The following GABRB3 variants were observed in gnomAD, a reference collection of about 807,000 sequenced individuals.
GABRB3 encodes the protein gamma-aminobutyric acid type A receptor subunit beta3, also known as gamma-aminobutyric acid receptor subunit beta-3.
GABRB3 carries 14 observed loss-of-function variants against 52.1 expected under a neutral mutation model. The observed-to-expected ratio is 0.27, with a 90% CI of 0.18 to 0.42. The LOEUF (loss-of-function observed/expected upper bound fraction) is 0.42, where lower values mean the gene tolerates loss of function less well. Ranked by LOEUF, GABRB3 falls within the 10% of genes least tolerant of loss-of-function variation. The pLI, the probability that GABRB3 is intolerant of heterozygous loss-of-function variation, is 1.00. For synonymous variants in GABRB3, 260 were observed against 232.3 expected (o/e 1.12, Z -1.08); for missense variants, 307 against 609.1 (o/e 0.50, Z 5.22).
At chr15:26,576,362 A>T (rs1038862095) in intron 6 of GABRB3, among the ~76,000 whole-genome samples, 5 of 152,206 alleles carry the variant, frequency 3.3e-5, no homozygotes, top group African/African-American at 1.2e-4. Flanking sequence ...CTGAAATGAA[A>T]TTTTAAAAAA....
At chr15:26,674,400 C>T (rs1184262015) in intron 3 of GABRB3, among the ~76,000 whole-genome samples, 2 of 86,786 alleles carry the variant, frequency 2.3e-5, no homozygotes, top group Non-Finnish European at 4.2e-5. Context: ...GACTCAGTTT[C>T]AAAAAAAAAA....
intron 3 of GABRB3, among the ~76,000 whole-genome samples, chr15:26,662,128 A>G (rs1342129855): frequency 6.6e-6 from 1 of 152,222 alleles, no homozygotes; most frequent in African/African-American, 2.4e-5. Flanking sequence ...TGTGCAGTGC[A>G]TACAAAGGAA....
intron 3 of GABRB3, among the ~76,000 whole-genome samples, chr15:26,720,552 G>A (rs1340938270): frequency 6.6e-6 from 1 of 152,118 alleles, no homozygotes; most frequent in East Asian, 1.9e-4. Context: ...TTTAAAAATT[G>A]GCAACTGTAC....
chr15:26,770,163 A>T (rs1369710919), intron 3 of GABRB3, among the ~76,000 whole-genome samples: 1 of 152,220 alleles, frequency 6.6e-6, no homozygotes, highest in African/African-American at 2.4e-5. Context: ...TTTCTAAAAC[A>T]TGACGTGACC....
intron 2 of GABRB3, 63 bp from the exon 3 acceptor site, chr15:26,772,532 G>A: frequency 1.9e-6 from 3 of 1,549,294 alleles, no homozygotes; most frequent in Non-Finnish European, 2.6e-6. Flanking sequence ...GCGGCTCTGA[G>A]GACTGGGGGC....
chr15:26,609,669 A>T (rs564260236), intron 4 of GABRB3, among the ~76,000 whole-genome samples: 1 of 152,144 alleles, frequency 6.6e-6, no homozygotes, highest in African/African-American at 2.4e-5. Context: ...TTTTTAAAAA[A>T]TCTGTTAGGC....
At chr15:26,683,338 C>T (rs1888296113) in intron 3 of GABRB3, among the ~76,000 whole-genome samples, 1 of 145,250 alleles carries the variant, frequency 6.9e-6, no homozygotes, top group Non-Finnish European at 1.5e-5. Context: ...CCAGACTAGG[C>T]ACCCACCTGG....
intron 3 of GABRB3, among the ~76,000 whole-genome samples, chr15:26,651,607 G>T (rs375176880): frequency 2.6e-5 from 4 of 152,162 alleles, no homozygotes; most frequent in African/African-American, 7.2e-5. Flanking sequence ...CTTATACATG[G>T]TCACTGCTTT....
intron 8 of GABRB3, among the ~76,000 whole-genome samples, chr15:26,554,202 TATATATAG>T (rs1189077378): frequency 1.4e-4 from 13 of 93,460 alleles, no homozygotes; most frequent in Non-Finnish European, 2.8e-4. Flanking sequence ...TATATATATA[TATATATAG>T]TAGAAACAAG....
At chr15:26,735,785 C>CA (rs1453257505) in intron 3 of GABRB3, among the ~76,000 whole-genome samples, 1 of 146,304 alleles carries the variant, frequency 6.8e-6, no homozygotes, top group South Asian at 2.2e-4. Flanking sequence ...CCCATTTCCA[C>CA]AAAAAAGTAA....
chr15:26,681,761 A>G (rs1481450648), intron 3 of GABRB3, among the ~76,000 whole-genome samples: 1 of 152,116 alleles, frequency 6.6e-6, no homozygotes, highest in Non-Finnish European at 1.5e-5. Flanking sequence ...CAGGAGTTTG[A>G]GACTAGCCTG....
chr15:26,699,766 C>T (rs569081309), intron 3 of GABRB3, among the ~76,000 whole-genome samples: 1 of 150,446 alleles, frequency 6.6e-6, no homozygotes, highest in Non-Finnish European at 1.5e-5. Flanking sequence ...AGAGAGCAAA[C>T]AAAAGAAAAA....
At chr15:26,732,284 GGATGGATA>G (rs1426791266) in intron 3 of GABRB3, among the ~76,000 whole-genome samples, 1 of 147,250 alleles carries the variant, frequency 6.8e-6, no homozygotes, top group Non-Finnish European at 1.5e-5. Context: ...ATGAATAGAT[GGATGGATA>G]GATGGATGGA....
intron 6 of GABRB3, among the ~76,000 whole-genome samples, chr15:26,578,675 AG>A (rs1275079267): frequency 1.3e-5 from 2 of 152,234 alleles, no homozygotes; most frequent in Non-Finnish European, 2.9e-5. Flanking sequence ...AAATCCTCAT[AG>A]CAGCACGCTC....
intron 3 of GABRB3, chr15:26,628,905 G>A (rs1261178675): frequency 5.6e-6 from 8 of 1,417,036 alleles, no homozygotes; most frequent in Admixed American, 2.0e-5. Context: ...GAGCTGGGAG[G>A]TGTGGGGGAG....
chr15:26,554,176 G>GTATATATATATAAAATA lies in GABRB3; in HGVS notation c.1081-6043_1081-6042insTATTTTATATATATATA, dbSNP rs1889645586. 2.9e-4 allele frequency among the ~76,000 whole-genome samples: 8 copies of GTATATATATATAAAATA among 27,342 alleles called. No individual in the cohort carries two copies. In the South Asian group the frequency reaches 8.3e-3, roughly 28 times the overall value. 17.9% of individuals were successfully genotyped at this position (27,342 alleles called of 152,430 possible). A position where few individuals can be genotyped will look rare whatever the true frequency, so the allele number is the denominator to read the frequency against. On this transcript the variant is annotated intron_variant, in intron 8 of 8. Coordinates refer to ENST00000311550, the MANE Select transcript of GABRB3 (RefSeq NM_000814.6). The stretch of plus-strand genomic sequence containing the variant: ...TATATATAAAGTATATATATATAAA[G>GTATATATATATAAAATA]TATATATATATATACTATATATATA...
chr15:26,598,786 A>C (rs1891484114), intron 4 of GABRB3, among the ~76,000 whole-genome samples: 1 of 152,208 alleles, frequency 6.6e-6, no homozygotes, highest in Admixed American at 6.5e-5. Flanking sequence ...ATAGAAACAA[A>C]GAAAAGAGGC....
chr15:26,745,647 T>C (rs1410049664), intron 3 of GABRB3, among the ~76,000 whole-genome samples: 4 of 152,234 alleles, frequency 2.6e-5, no homozygotes, highest in South Asian at 2.1e-4. Flanking sequence ...GCCTCCGCCA[T>C]CTATCACTGG....
intron 4 of GABRB3, among the ~76,000 whole-genome samples, chr15:26,593,370 G>A (rs780544764): frequency 6.6e-6 from 1 of 152,124 alleles, no homozygotes; most frequent in South Asian, 2.1e-4. Context: ...ATATAATTCA[G>A]TGCATTCACA....
Sources: allele counts gnomAD v4.1 joint callset (sites outside exome capture counted in the v4.1 genomes callset), GRCh38; gene constraint gnomAD v4.1.1; transcripts MANE v1.5; gene names NCBI Gene and HGNC (gene_info 2026-07-23, HGNC 2026-07-21).